The following SLC6A11 variants were observed in gnomAD, a reference collection of about 807,000 sequenced individuals.
SLC6A11 encodes sodium- and chloride-dependent GABA transporter 3.
In SLC6A11, 25 loss-of-function variants were observed where a neutral mutation model predicts 74.8. That is an observed-to-expected ratio of 0.33 (90% confidence interval 0.24 to 0.47). The LOEUF is 0.47. Among genes scored for constraint, SLC6A11 ranks in the 20% least tolerant of loss-of-function variants. SLC6A11 has a pLI of 1.00. For missense variants in SLC6A11, 574 were observed against 837.0 expected, an observed-to-expected ratio of 0.69 and a Z score of 3.88; for synonymous variants, 330 against 330.2, an observed-to-expected ratio of 1.00 and a Z score of 0.01.
intron 6 of SLC6A11, among the ~76,000 whole-genome samples, chr3:10,884,900 T>G (rs766204966): frequency 2.6e-5 from 4 of 152,348 alleles, no homozygotes; most frequent in Non-Finnish European, 5.9e-5. Flanking sequence ...TTATTCTTTC[T>G]TCACTTATCT....
chr3:10,888,387 G>A (rs766222062), intron 6 of SLC6A11, among the ~76,000 whole-genome samples: 2 of 152,214 alleles, frequency 1.3e-5, no homozygotes, highest in Non-Finnish European at 2.9e-5. Context: ...GAGGAGTATG[G>A]CAAGGAAGAA....
At chr3:10,863,260 G>A (rs1047079255) in intron 5 of SLC6A11, among the ~76,000 whole-genome samples, 1 of 152,190 alleles carries the variant, frequency 6.6e-6, no homozygotes, top group African/African-American at 2.4e-5. Context: ...AAGGAGGAAG[G>A]GAAGCTACTG....
At chr3:10,829,050 C>T (rs1250958031) in intron 4 of SLC6A11, among the ~76,000 whole-genome samples, 1 of 152,194 alleles carries the variant, frequency 6.6e-6, no homozygotes, top group African/African-American at 2.4e-5. Context: ...AATGATAACA[C>T]CCACCTGAAC....
intron 6 of SLC6A11, among the ~76,000 whole-genome samples, chr3:10,887,548 T>C (rs559641119): frequency 9.3e-4 from 141 of 152,152 alleles, no homozygotes; most frequent in African/African-American, 3.2e-3. Flanking sequence ...CGGGTTCAAG[T>C]GATTCTCCTG....
At chr3:10,845,234 G>A (rs1308907323) in intron 5 of SLC6A11, among the ~76,000 whole-genome samples, 5 of 152,178 alleles carry the variant, frequency 3.3e-5, no homozygotes, top group Non-Finnish European at 7.4e-5. Flanking sequence ...GGACTTGCCT[G>A]CCCACACAGT....
chr3:10,839,031 T>C (rs572335784), intron 4 of SLC6A11, among the ~76,000 whole-genome samples: 151 of 152,082 alleles, frequency 9.9e-4, no homozygotes, highest in African/African-American at 3.5e-3. Flanking sequence ...AGAAAGGACA[T>C]CTCCATGCCT....
intron 5 of SLC6A11, among the ~76,000 whole-genome samples, chr3:10,853,268 G>A (rs1694598869): frequency 6.6e-6 from 1 of 152,204 alleles, no homozygotes; most frequent in East Asian, 1.9e-4. Context: ...GAACAGTGAT[G>A]AGCAAAAGCT....
At chr3:10,908,227 A>C (rs9855154) in intron 6 of SLC6A11, among the ~76,000 whole-genome samples, 1,715 of 152,338 alleles carry the variant, frequency 0.011, 38 homozygotes, top group African/African-American at 0.04. Flanking sequence ...TATATATGAA[A>C]AGTATAAAAA....
At position 10,939,455 on chromosome 3, in the gene SLC6A11, C is replaced by T. The variant is rs1695798572; in HGVS notation, c.*1053C>T. ...AGCAGCCATCTATTCTTGCAGCCAT[C>T]TCAGCCAGGGTCTATGTCTTAGGAC... is the stretch of plus-strand genomic sequence containing the variant. On this transcript the variant is annotated 3_prime_UTR_variant, in exon 14 of 14. Transcript: ENST00000254488. 1 of 152,432 alleles carries T rather than the reference C, an allele frequency of 6.6e-6. No homozygotes were observed. Among genetic ancestry groups the T allele is most frequent in the Admixed American group, 6.5e-5 (1 of 15,276 alleles). The allele number at this position is 152,432 out of a possible 1,614,324, so 9.4% of individuals were successfully genotyped here. A position where few individuals can be genotyped will look rare whatever the true frequency, so the allele number is the denominator to read the frequency against.
intron 5 of SLC6A11, among the ~76,000 whole-genome samples, chr3:10,873,195 G>A (rs953815747): frequency 4.6e-5 from 7 of 152,290 alleles, no homozygotes; most frequent in Admixed American, 2.6e-4. Flanking sequence ...GAGGAGGTTT[G>A]TGTCTTTCAC....
At chr3:10,845,435 C>T (rs2106586482) in intron 5 of SLC6A11, among the ~76,000 whole-genome samples, 1 of 152,336 alleles carries the variant, frequency 6.6e-6, no homozygotes, top group South Asian at 2.1e-4. Flanking sequence ...GTTGCACTGA[C>T]CACATCCCTC....
At chr3:10,937,189 C>T (rs1410216091) in intron 13 of SLC6A11, among the ~76,000 whole-genome samples, 2 of 152,206 alleles carry the variant, frequency 1.3e-5, no homozygotes, top group African/African-American at 4.8e-5. Flanking sequence ...CCCCGGAAGG[C>T]AGGTACCGTT....
intron 5 of SLC6A11, among the ~76,000 whole-genome samples, chr3:10,870,468 T>G (rs916147759): frequency 6.6e-6 from 1 of 152,192 alleles, no homozygotes. Flanking sequence ...CTGCAAAGAA[T>G]GCTGTGATCT....
At chr3:10,866,298 A>T (rs1438961629) in intron 5 of SLC6A11, among the ~76,000 whole-genome samples, 1 of 152,224 alleles carries the variant, frequency 6.6e-6, no homozygotes, top group Admixed American at 6.5e-5. Context: ...GTTGGCCAGA[A>T]CATAGATGGC....
intron 4 of SLC6A11, among the ~76,000 whole-genome samples, chr3:10,835,208 G>A (rs925211780): frequency 2.0e-5 from 3 of 152,130 alleles, no homozygotes; most frequent in Admixed American, 6.5e-5. Context: ...GCTTCCCCTC[G>A]GGCACATGTG....
In SLC6A11 at chr3:10,926,095, C is replaced by G. The variant is rs1695602201; in HGVS notation, c.1212C>G (p.Ile404Met). Residue 404 changes from isoleucine to methionine, a missense_variant, in exon 9 of 14, where the codon ATC (isoleucine) becomes ATG (methionine). This residue lies in a region of SLC6A11 where 257 missense variants were observed against 341.5 expected (regional missense o/e 0.75). Coordinates refer to ENST00000254488, the MANE Select transcript of SLC6A11 (RefSeq NM_014229.3). The surrounding 1 kb of genome is among the most constrained non-coding windows in gnomAD (Gnocchi z 5.7). The stretch of plus-strand genomic sequence containing the variant: ...CCACCTTGTTCTTCATGATGCTCAT[C>G]TTCCTGGGCCTGGACAGCCAGGTAA... ...LWATLFFMML[I>M]FLGLDSQFVC... 1 of 1,612,430 alleles carries G rather than the reference C, an allele frequency of 6.2e-7. No homozygotes were observed.
intron 6 of SLC6A11, among the ~76,000 whole-genome samples, chr3:10,877,665 G>A (rs1694926280): frequency 6.6e-6 from 1 of 152,154 alleles, no homozygotes; most frequent in Non-Finnish European, 1.5e-5. Flanking sequence ...GCCTTTATGG[G>A]ATTCAGTGTT....
rs1309487738 is a variant in SLC6A11 at position 10,915,228 on chromosome 3, C to T, written c.995+3035C>T. Among the ~76,000 whole-genome samples, 1 of 152,102 alleles carries T rather than the reference C, an allele frequency of 6.6e-6. No individual in the cohort carries two copies. The highest frequency in any genetic ancestry group is 1.5e-5 in the Non-Finnish European group (1 of 68,034). On this transcript the variant is annotated intron_variant, in intron 7 of 13. Transcript: ENST00000254488. The surrounding 1 kb of genome is among the most constrained non-coding windows in gnomAD (Gnocchi z 4.3). ...GGTTTGGCCAAAACTGCCTTGTCTC[C>T]AGCCTGTGTCTTGGGGCAGTGGCAG...
At chr3:10,837,729 C>G (rs1357151835) in intron 4 of SLC6A11, among the ~76,000 whole-genome samples, 3 of 152,190 alleles carry the variant, frequency 2.0e-5, no homozygotes, top group South Asian at 2.1e-4. Flanking sequence ...GTAGCGTGGA[C>G]TGAATGAGTG....
Sources: gnomAD v4.1 joint callset for allele counts (sites outside exome capture counted in the v4.1 genomes callset) on GRCh38, gnomAD v4.1.1 for gene constraint, gnomAD v4.1.1 regional missense constraint, Gnocchi (gnomAD v3.1) non-coding constraint, MANE v1.5 for transcripts, NCBI Gene and HGNC (gene_info 2026-07-23, HGNC 2026-07-21) for gene names.